Variants in DOC2B observed in about 807,000 individuals in gnomAD.
The protein encoded by DOC2B is double C2 domain beta.
DOC2B carries 21 observed loss-of-function variants against 28.9 expected under a neutral mutation model. The ratio of observed to expected loss-of-function variants is 0.73; its 90% CI spans 0.52 to 1.05. The LOEUF is 1.05. Ranked by LOEUF, DOC2B falls within the 50% of genes least tolerant of loss-of-function variation. DOC2B has a pLI of 0.00. For missense variants in DOC2B, 384 were observed against 421.1 expected, an observed-to-expected ratio of 0.91 and a Z score of 0.77; for synonymous variants, 194 against 178.1, an observed-to-expected ratio of 1.09 and a Z score of -0.71.
chr17:173,074 T>C (rs945341788), intron 1 of DOC2B, among the ~76,000 whole-genome samples: 4 of 151,954 alleles, frequency 2.6e-5, no homozygotes, highest in Non-Finnish European at 5.9e-5. Flanking sequence ...TGCTCAACAG[T>C]CCCCCAGCCA....
Position 181,355 on chromosome 17 carries a change from C to A in DOC2B, c.125G>T (p.Arg42Leu). ...QISDYFPRFP[R>L]GLPPDAGPRA... ...GGGCCCGGCGTCCGGGGGCAGGCCC[C>A]GCGGGAAGCGGGGGAAGTAGTCGGA... Residue 42 changes from arginine (R) to leucine (L), a missense_variant, in exon 1 of 9, where the codon CGG becomes CTG. Arg to Leu is a moderately radical substitution (Grantham distance 102). Coordinates refer to ENST00000613549, the MANE Select transcript of DOC2B (RefSeq NM_003585.5). The surrounding 1 kb of genome is among the most constrained non-coding windows in gnomAD (Gnocchi z 7.0). 8.9e-7 allele frequency: 1 copy of A among 1,129,470 alleles called. No homozygotes were observed. The highest frequency in any genetic ancestry group is 1.1e-6 in the Non-Finnish European group (1 of 922,320). The allele number at this position is 1,129,470 out of a possible 1,614,324, so 70.0% of individuals were successfully genotyped here.
Position 161,424 on chromosome 17 carries a change from C to T in DOC2B, c.756G>A (p.Lys252=), listed in dbSNP as rs1057259028. ...HTKTFSICLE[K]QLPVDKTEDK... Reference sequence around the variant, plus strand: ...CAATCAATCCTCTCACCGGCAGCTGCTTCTCCAGGCAGATGCTGAAGGTCT... The same window carrying T: ...CAATCAATCCTCTCACCGGCAGCTGTTTCTCCAGGCAGATGCTGAAGGTCT... Residue 252 remains lysine, a synonymous_variant, in exon 5 of 9, where the codon AAG becomes AAA. Transcript: ENST00000613549. The T allele has an allele frequency of 1.3e-6, 2 of 1,551,566 alleles. No homozygotes were observed. The highest frequency in any genetic ancestry group is 1.7e-6 in the Non-Finnish European group (2 of 1,146,982).
At chr17:153,569 C>T (rs1229214518) in intron 6 of DOC2B, among the ~76,000 whole-genome samples, 1 of 152,008 alleles carries the variant, frequency 6.6e-6, no homozygotes, top group Non-Finnish European at 1.5e-5. Flanking sequence ...GGCGTGGTGG[C>T]GCATGCCTGT....
At chr17:161,156 C>T (rs113264620) in intron 5 of DOC2B, among the ~76,000 whole-genome samples, 25,858 of 152,098 alleles carry the variant, frequency 0.17, 2,395 homozygotes, top group African/African-American at 0.23. Flanking sequence ...TTCTTCAAGC[C>T]ATCCTGAGCC....
At chr17:164,957 C>T (rs566497083) in intron 2 of DOC2B, among the ~76,000 whole-genome samples, 15 of 152,292 alleles carry the variant, frequency 9.8e-5, no homozygotes, top group African/African-American at 2.9e-4. Context: ...TCTACCCAGC[C>T]GGGTCAGGGA....
Position 181,458 on chromosome 17 carries a change from C to T in DOC2B, c.22G>A (p.Glu8Lys), listed in dbSNP as rs1227576626. 1.8e-6 allele frequency: 2 copies of T among 1,128,788 alleles called. No homozygotes were observed. The highest frequency in any genetic ancestry group is 1.7e-5 in the African/African-American group (1 of 59,860). 69.9% of individuals were successfully genotyped at this position (1,128,788 alleles called of 1,614,324 possible). Residue 8 changes from glutamate (E) to lysine (K), a missense_variant, in exon 1 of 9, where the codon GAG becomes AAG. Physicochemically the swap from Glu to Lys is moderately conservative, Grantham distance 56 (BLOSUM62 1). Coordinates refer to ENST00000613549, the MANE Select transcript of DOC2B (RefSeq NM_003585.5). The surrounding 1 kb of genome is among the most constrained non-coding windows in gnomAD (Gnocchi z 7.0). ...TCCTGGATGCTGATGGTCGCCTTCTCCCCGCGCCGCCGGAGGGTCATGCAG... is the reference window on the plus strand; with the variant it reads ...TCCTGGATGCTGATGGTCGCCTTCTTCCCGCGCCGCCGGAGGGTCATGCAG... MTLRRRGEKATISIQEHM... is the reference protein window; with the variant it reads MTLRRRGKKATISIQEHM...
intron 5 of DOC2B, among the ~76,000 whole-genome samples, chr17:157,869 A>G (rs1474742680): frequency 6.6e-6 from 1 of 152,188 alleles, no homozygotes; most frequent in East Asian, 1.9e-4. Flanking sequence ...TCAACCTCAT[A>G]CAAGCAACTC....
intron 3 of DOC2B, 25 bp from the exon 4 acceptor site, chr17:162,215 T>C (rs764918682): frequency 2.0e-6 from 3 of 1,509,118 alleles, no homozygotes; most frequent in South Asian, 1.2e-5. Flanking sequence ...AATGATCTTA[T>C]TAGCATCAAA....
At chr17:179,764 C>A (rs1168693199) in intron 1 of DOC2B, among the ~76,000 whole-genome samples, 2 of 112,672 alleles carry the variant, frequency 1.8e-5, no homozygotes, top group Non-Finnish European at 3.8e-5. Context: ...GACAAGACTG[C>A]TCCCCAGCCC....
chr17:144,233 C>A lies in DOC2B; in HGVS notation c.*3208G>T. ...GCCCATTCGGGGTCAAAGGCAGAGCCGCTTCTGCAGCTTCTCAAAGCGTTG... is the reference window on the plus strand; with the variant it reads ...GCCCATTCGGGGTCAAAGGCAGAGCAGCTTCTGCAGCTTCTCAAAGCGTTG... On this transcript the variant is annotated 3_prime_UTR_variant, in exon 9 of 9. Transcript: ENST00000613549. 1 of 151,642 alleles carries A rather than the reference C, an allele frequency of 6.6e-6. No homozygotes were observed. The highest frequency in any genetic ancestry group is 2.0e-4 in the South Asian group (1 of 4,952). 9.4% of individuals were successfully genotyped at this position (151,642 alleles called of 1,614,324 possible). A position where few individuals can be genotyped will look rare whatever the true frequency, so the allele number is the denominator to read the frequency against.
intron 6 of DOC2B, among the ~76,000 whole-genome samples, chr17:154,530 G>A (rs1329631445): frequency 6.6e-6 from 1 of 152,154 alleles, no homozygotes; most frequent in Non-Finnish European, 1.5e-5. Context: ...GGACACTTGG[G>A]GTGTTTCCAC....
In DOC2B at chr17:181,519, G is replaced by C; in HGVS notation, c.-40C>G. 1 of 982,766 alleles carries C rather than the reference G, an allele frequency of 1.0e-6. No individual in the cohort carries two copies. 60.9% of individuals were successfully genotyped at this position (982,766 alleles called of 1,614,324 possible). A position where few individuals can be genotyped will look rare whatever the true frequency, so the allele number is the denominator to read the frequency against. Reference sequence around the variant, plus strand: ...CCCGCCCCGGGCGCGGCCCGGCCCGGCGCGACCCCGGCCCGGGGGCGGCTC... The same window carrying C: ...CCCGCCCCGGGCGCGGCCCGGCCCGCCGCGACCCCGGCCCGGGGGCGGCTC... On this transcript the variant is annotated 5_prime_UTR_variant, in exon 1 of 9. Coordinates refer to ENST00000613549, the MANE Select transcript of DOC2B (RefSeq NM_003585.5). The surrounding 1 kb of genome is among the most constrained non-coding windows in gnomAD (Gnocchi z 7.0).
intron 2 of DOC2B, 117 bp downstream of exon 2, chr17:172,420 G>A (rs2294074): frequency 0.71 from 557,518 of 784,068 alleles, 200,097 homozygotes; most frequent in East Asian, 0.9. Context: ...CCCACACAGC[G>A]CAGACATCCA....
At chr17:180,381 T>A (rs2040426108) in intron 1 of DOC2B, among the ~76,000 whole-genome samples, 2 of 151,816 alleles carry the variant, frequency 1.3e-5, no homozygotes, top group Admixed American at 1.3e-4. Context: ...CAGGGCTCAG[T>A]CCGGGAGGAG....
chr17:152,314 C>T (rs958316951), intron 6 of DOC2B, among the ~76,000 whole-genome samples: 5 of 152,196 alleles, frequency 3.3e-5, no homozygotes, highest in Non-Finnish European at 4.4e-5. Flanking sequence ...ACGCAGCCAT[C>T]GCGCAGCTCA....
At chr17:165,344 G>A (rs1207071078) in intron 2 of DOC2B, among the ~76,000 whole-genome samples, 1 of 151,298 alleles carries the variant, frequency 6.6e-6, no homozygotes, top group Admixed American at 6.6e-5. Context: ...TAGCTGGGTG[G>A]GGTGGCATGT....
In DOC2B at chr17:181,054, G is replaced by A. The variant is rs920018945; in HGVS notation, c.373+53C>T. 3.3e-6 allele frequency: 4 copies of A among 1,214,782 alleles called. No homozygotes were observed. The highest frequency in any genetic ancestry group is 1.6e-5 in the African/African-American group (1 of 63,520). The allele number at this position is 1,214,782 out of a possible 1,614,324, so 75.3% of individuals were successfully genotyped here. A position where few individuals can be genotyped will look rare whatever the true frequency, so the allele number is the denominator to read the frequency against. ...GAGGGAAGCCGCGAGGCCGTGGGGG[G>A]GCCGAGCCCGAGCCAGGGGAGGGGG... is the stretch of plus-strand genomic sequence containing the variant. On this transcript the variant is annotated intron_variant, in intron 1 of 8. Coordinates refer to ENST00000613549, the MANE Select transcript of DOC2B (RefSeq NM_003585.5). The surrounding 1 kb of genome is among the most constrained non-coding windows in gnomAD (Gnocchi z 7.0).
chr17:152,322 T>A (rs2040081880), intron 6 of DOC2B, among the ~76,000 whole-genome samples: 1 of 152,068 alleles, frequency 6.6e-6, no homozygotes, highest in Non-Finnish European at 1.5e-5. Flanking sequence ...ATCGCGCAGC[T>A]CAGGGATATT....
chr17:174,163 C>G (rs2040343339), intron 1 of DOC2B, among the ~76,000 whole-genome samples: 1 of 152,164 alleles, frequency 6.6e-6, no homozygotes. Context: ...TAGATCATCC[C>G]CTTCTAACAC....
Sources: allele counts gnomAD v4.1 joint callset (sites outside exome capture counted in the v4.1 genomes callset), GRCh38; gene constraint gnomAD v4.1.1; non-coding constraint Gnocchi (gnomAD v3.1); transcripts MANE v1.5; gene names NCBI Gene and HGNC (gene_info 2026-07-23, HGNC 2026-07-21).